COG5: variants seen among roughly 807,000 people sequenced by gnomAD.
COG5 encodes conserved oligomeric Golgi complex subunit 5.
COG5 carries 86 observed loss-of-function variants against 110.4 expected under a neutral mutation model. The ratio of observed to expected loss-of-function variants is 0.78; its 90% CI spans 0.65 to 0.93. The LOEUF (loss-of-function observed/expected upper bound fraction) is 0.93, where lower values mean the gene tolerates loss of function less well. Ranked by LOEUF, COG5 falls within the 40% of genes least tolerant of loss-of-function variation. The probability of loss-of-function intolerance (pLI) is 0.00; values close to 1 mark genes in which losing one functional copy is unlikely to be tolerated. For synonymous variants in COG5, 360 were observed against 334.6 expected, an observed-to-expected ratio of 1.08 and a Z score of -0.83; for missense variants, 1,077 against 987.0, an observed-to-expected ratio of 1.09 and a Z score of -1.22.
intron 11 of COG5, among the ~76,000 whole-genome samples, chr7:107,312,709 C>T (rs569353446): frequency 6.6e-6 from 1 of 152,094 alleles, no homozygotes; most frequent in South Asian, 2.1e-4. Context: ...AGGAAGGGAC[C>T]AGAAGAGTCA....
intron 6 of COG5, among the ~76,000 whole-genome samples, chr7:107,430,196 T>A (rs1487060359): frequency 6.6e-6 from 1 of 152,242 alleles, no homozygotes; most frequent in African/African-American, 2.4e-5. Context: ...AATTTACTCA[T>A]GTTTTCTTCT....
At chr7:107,556,902 C>T (rs1803365316) in intron 2 of COG5, among the ~76,000 whole-genome samples, 1 of 151,960 alleles carries the variant, frequency 6.6e-6, no homozygotes. Context: ...TCCCGAGTAG[C>T]TGGGATTACA....
intron 21 of COG5, chr7:107,208,633 G>A (rs1345069995): frequency 5.1e-6 from 5 of 985,274 alleles, no homozygotes; most frequent in Non-Finnish European, 6.0e-6. Flanking sequence ...CTTTCCCGAG[G>A]GCAGATTTTA....
chr7:107,371,009 T>C (rs1178030291), intron 8 of COG5, among the ~76,000 whole-genome samples: 3 of 151,916 alleles, frequency 2.0e-5, no homozygotes, highest in African/African-American at 7.2e-5. Context: ...TTTTCCCCAT[T>C]CTTGACGACA....
intron 12 of COG5, among the ~76,000 whole-genome samples, chr7:107,288,465 A>C (rs1429008922): frequency 6.6e-6 from 1 of 152,164 alleles, no homozygotes; most frequent in Non-Finnish European, 1.5e-5. Context: ...AACATCCTTG[A>C]CAACACTTGC....
intron 19 of COG5, among the ~76,000 whole-genome samples, chr7:107,213,637 A>T (rs572627158): frequency 6.6e-5 from 10 of 152,348 alleles, no homozygotes; most frequent in Admixed American, 2.0e-4. Context: ...AAGCTCAGCC[A>T]GCAGCCGCAT....
chr7:107,361,920 A>G (rs896438937), intron 10 of COG5, 113 bp downstream of exon 10: 2 of 707,790 alleles, frequency 2.8e-6, no homozygotes, highest in Admixed American at 2.2e-5. Flanking sequence ...ACACTTCTCT[A>G]TTGCCATCTG....
intron 10 of COG5, among the ~76,000 whole-genome samples, chr7:107,351,714 T>C (rs1478769154): frequency 6.6e-6 from 1 of 151,992 alleles, no homozygotes; most frequent in African/African-American, 2.4e-5. Flanking sequence ...GAAAAAATGC[T>C]CATCATCACT....
intron 7 of COG5, among the ~76,000 whole-genome samples, chr7:107,405,745 A>T (rs1021315293): frequency 6.6e-6 from 1 of 152,036 alleles, no homozygotes; most frequent in African/African-American, 2.4e-5. Flanking sequence ...ATGAAATCCT[A>T]ACTGCCAAGG....
intron 14 of COG5, among the ~76,000 whole-genome samples, chr7:107,266,344 A>C (rs1261470083): frequency 1.3e-5 from 2 of 152,206 alleles, no homozygotes; most frequent in Non-Finnish European, 2.9e-5. Context: ...TTCATAAATA[A>C]GATACACAGA....
intron 10 of COG5, among the ~76,000 whole-genome samples, chr7:107,342,812 T>C (rs1024406066): frequency 1.3e-5 from 2 of 152,164 alleles, no homozygotes; most frequent in Non-Finnish European, 2.9e-5. Context: ...AATTTGAAGA[T>C]TTCTCAAAGA....
intron 6 of COG5, among the ~76,000 whole-genome samples, chr7:107,523,764 G>A (rs760856514): frequency 2.7e-4 from 41 of 151,636 alleles, no homozygotes; most frequent in Non-Finnish European, 2.1e-4. Flanking sequence ...GCCGTGAGGC[G>A]AGATTGCGCC....
chr7:107,215,891 A>G (rs1446658181), intron 19 of COG5, among the ~76,000 whole-genome samples: 1 of 151,868 alleles, frequency 6.6e-6, no homozygotes, highest in Admixed American at 6.6e-5. Flanking sequence ...TTATATTTTT[A>G]GTAGAGATGG....
intron 14 of COG5, among the ~76,000 whole-genome samples, chr7:107,261,329 T>C (rs1803328118): frequency 6.6e-6 from 1 of 152,116 alleles, no homozygotes; most frequent in African/African-American, 2.4e-5. Flanking sequence ...TCTCTCTCTC[T>C]CTCTCTCTCA....
At chr7:107,400,123 C>T (rs1052858628) in intron 7 of COG5, among the ~76,000 whole-genome samples, 8 of 151,906 alleles carry the variant, frequency 5.3e-5, no homozygotes, top group African/African-American at 1.9e-4. Context: ...AGTGTTAATG[C>T]AGCTTTATTT....
intron 10 of COG5, among the ~76,000 whole-genome samples, chr7:107,338,001 T>G (rs902821162): frequency 1.3e-5 from 2 of 152,304 alleles, no homozygotes; most frequent in Non-Finnish European, 2.9e-5. Context: ...GCATTAAAGC[T>G]GCATAATGTT....
At chr7:107,475,194 GAAAAGTA>G in intron 6 of COG5, 1 of 1,611,858 alleles carries the variant, frequency 6.2e-7, no homozygotes, top group East Asian at 2.2e-5. Context: ...AAAAGGTCTT[GAAAAGTA>G]AAATGAAAAA....
At chr7:107,227,685 T>G (rs1179596844) in intron 19 of COG5, among the ~76,000 whole-genome samples, 1 of 149,024 alleles carries the variant, frequency 6.7e-6, no homozygotes, top group African/African-American at 2.5e-5. Context: ...ACAGGAAACT[T>G]AGCACTATTT....
intron 2 of COG5, among the ~76,000 whole-genome samples, chr7:107,556,856 C>T (rs1803361248): frequency 6.6e-6 from 1 of 152,008 alleles, no homozygotes; most frequent in South Asian, 2.1e-4. Flanking sequence ...CTGCAAGCTC[C>T]AACTCCCAGG....
Sources: gnomAD v4.1 joint callset for allele counts (sites outside exome capture counted in the v4.1 genomes callset) on GRCh38, gnomAD v4.1.1 for gene constraint, MANE v1.5 for transcripts, NCBI Gene and HGNC (gene_info 2026-07-23, HGNC 2026-07-21) for gene names.